DMD: variants seen among roughly 807,000 people sequenced by gnomAD.
The protein encoded by DMD is mutant dystrophin.
A neutral mutation model predicts 330.1 loss-of-function variants in DMD; 63 were observed. That is an observed-to-expected ratio of 0.19 (90% CI 0.16 to 0.24). DMD has a LOEUF of 0.24. Among genes scored for constraint, DMD ranks in the 10% least tolerant of loss-of-function variants. The pLI, the probability that DMD is intolerant of heterozygous loss-of-function variation, is 1.00. For missense variants in DMD, 3,344 were observed against 2,684.1 expected (o/e 1.25, Z -5.43); for synonymous variants, 1,223 against 959.8 (o/e 1.27, Z -5.07).
intron 26 of DMD, among the ~76,000 whole-genome samples, chrX:32,451,555 A>C (rs1344064059): frequency 9.0e-6 from 1 of 110,696 alleles, no homozygotes; most frequent in Non-Finnish European, 1.9e-5. Context: ...ATGTCAAAAA[A>C]ACTTTCCTTT....
intron 52 of DMD, among the ~76,000 whole-genome samples, chrX:31,715,964 T>C (rs1042882115): frequency 3.6e-5 from 4 of 112,016 alleles, no homozygotes; most frequent in Non-Finnish European, 7.5e-5. Context: ...GTCCAATCAA[T>C]CAGTAAGTAT....
chrX:31,598,388 T>C (rs981589937), intron 55 of DMD, among the ~76,000 whole-genome samples: 1 of 111,536 alleles, frequency 9.0e-6, no homozygotes, highest in Non-Finnish European at 1.9e-5. Flanking sequence ...CCTCCCAAAT[T>C]GCTGGGATTA....
At chrX:31,420,280 A>G (rs1442899013) in intron 60 of DMD, among the ~76,000 whole-genome samples, 1 of 112,491 alleles carries the variant, frequency 8.9e-6, no homozygotes, top group Non-Finnish European at 1.9e-5. Flanking sequence ...CTTTCTATAG[A>G]ATAGAATTTA....
At chrX:33,228,840 G>A (rs142313850) in intron 1 of DMD, among the ~76,000 whole-genome samples, 87 of 109,253 alleles carry the variant, frequency 8.0e-4, no homozygotes, top group African/African-American at 2.7e-3. Flanking sequence ...AGTAATGTAC[G>A]AGTGATCCCA....
At chrX:32,649,154 A>C (rs1247382223) in intron 9 of DMD, among the ~76,000 whole-genome samples, 1 of 109,797 alleles carries the variant, frequency 9.1e-6, no homozygotes, top group Non-Finnish European at 1.9e-5. Flanking sequence ...GTACACTCAA[A>C]TTTATTCAAC....
At chrX:31,393,474 C>T (rs373116066) in intron 60 of DMD, among the ~76,000 whole-genome samples, 62 of 82,086 alleles carry the variant, frequency 7.6e-4, no homozygotes, top group African/African-American at 2.8e-3. Context: ...GAGACTCCAT[C>T]TCAAAAAAAA....
chrX:31,332,104 A>T (rs1046953562), intron 61 of DMD, among the ~76,000 whole-genome samples: 6 of 112,269 alleles, frequency 5.3e-5, no homozygotes, highest in African/African-American at 1.9e-4. Context: ...TTGCTTGACC[A>T]TGTGACTTGC....
chrX:32,654,184 T>G, intron 9 of DMD, among the ~76,000 whole-genome samples: 1 of 111,435 alleles, frequency 9.0e-6, no homozygotes, highest in Non-Finnish European at 1.9e-5. Flanking sequence ...CTTCCAACAC[T>G]ATGTTGAATA....
chrX:32,836,724 A>T (rs1317794725), intron 4 of DMD, among the ~76,000 whole-genome samples: 2 of 111,819 alleles, frequency 1.8e-5, no homozygotes, highest in African/African-American at 6.5e-5. Flanking sequence ...ATGTAGTTTT[A>T]TACTCTTGGT....
intron 12 of DMD, among the ~76,000 whole-genome samples, chrX:32,610,362 A>G (rs2057071561): frequency 2.7e-5 from 3 of 111,115 alleles, no homozygotes; most frequent in Admixed American, 9.6e-5. Context: ...ATTTAATAGT[A>G]ACCACCATAT....
rs72466568 is a variant in DMD, at chrX:31,478,459, G to C, written c.8669-85C>G. The C allele has an allele frequency of 6.1e-6, 7 of 1,152,809 alleles. No homozygotes were observed. The Admixed American group carries it at 1.3e-4, about 22-fold the overall frequency. ...AAGGTCATACTGGAAGAAAGAAAGA[G>C]TACAGTTGAACAAGAGGGTAACCTA... On this transcript the variant is annotated intron_variant, in intron 58 of 78. Coordinates refer to ENST00000357033, the MANE Select transcript of DMD (RefSeq NM_004006.3).
intron 72 of DMD, 109 bp downstream of exon 72, chrX:31,173,430 A>T: frequency 1.1e-6 from 1 of 921,866 alleles, no homozygotes; most frequent in East Asian, 3.3e-5. Flanking sequence ...AGTAGGAATC[A>T]GACAAGTTTG....
chrX:32,227,786 TAA>T (rs1387690229), intron 43 of DMD, among the ~76,000 whole-genome samples: 1 of 111,639 alleles, frequency 9.0e-6, no homozygotes, highest in Non-Finnish European at 1.9e-5. Flanking sequence ...AGGTTATCAC[TAA>T]GACTATTAAA....
intron 1 of DMD, among the ~76,000 whole-genome samples, chrX:33,108,432 A>G (rs1175963297): frequency 9.7e-6 from 1 of 102,973 alleles, no homozygotes; most frequent in East Asian, 3.1e-4. Context: ...CAGGCCGGCT[A>G]ATTTTTGTAT....
intron 1 of DMD, among the ~76,000 whole-genome samples, chrX:33,088,934 T>C (rs2095047204): frequency 9.0e-6 from 1 of 110,621 alleles, no homozygotes; most frequent in Non-Finnish European, 1.9e-5. Flanking sequence ...GATAGTAAAA[T>C]AACTGAGAGA....
At position 32,378,373 on chromosome X, in the gene DMD, T is replaced by C. The variant is rs773241275; in HGVS notation, c.4845+2137A>G. Among the ~76,000 whole-genome samples, 834 of 109,487 alleles carry C rather than the reference T, an allele frequency of 7.6e-3. 2 individuals are homozygous for C. Among genetic ancestry groups the C allele is most frequent in the Middle Eastern group, 0.028 (6 of 212 alleles). On this transcript the variant is annotated intron_variant, in intron 34 of 78. Transcript: ENST00000357033. ...CTTCTCAAGTTGTGCCATATGTATC[T>C]CTTCAAGCCACACTAAATAATTTTT... is the stretch of plus-strand genomic sequence containing the variant.
intron 1 of DMD, among the ~76,000 whole-genome samples, chrX:33,072,362 G>C (rs2094772510): frequency 8.9e-6 from 1 of 111,981 alleles, no homozygotes; most frequent in South Asian, 3.7e-4. Flanking sequence ...AGGTTGCAGT[G>C]AGCCACGATC....
At chrX:32,328,265 TC>T (rs1462989702) in intron 41 of DMD, among the ~76,000 whole-genome samples, 16 of 111,966 alleles carry the variant, frequency 1.4e-4, no homozygotes, top group African/African-American at 5.2e-4. Context: ...TATTATGAGT[TC>T]TTTATATCAC....
intron 52 of DMD, among the ~76,000 whole-genome samples, chrX:31,699,428 A>C (rs969217931): frequency 8.9e-6 from 1 of 112,218 alleles, no homozygotes; most frequent in Non-Finnish European, 1.9e-5. Context: ...GGTAAATTTC[A>C]ACTTGGCAAT....
Sources: allele counts gnomAD v4.1 joint callset (sites outside exome capture counted in the v4.1 genomes callset), GRCh38; gene constraint gnomAD v4.1.1; transcripts MANE v1.5; gene names NCBI Gene and HGNC (gene_info 2026-07-23, HGNC 2026-07-21).